The following TRPM2 variants were observed in gnomAD, a reference collection of about 807,000 sequenced individuals.
TRPM2 encodes estrogen-responsive element-associated gene 1 protein.
TRPM2 carries 161 observed loss-of-function variants against 174.0 expected under a neutral mutation model. The observed-to-expected ratio is 0.93, with a 90% CI of 0.81 to 1.05. The LOEUF (loss-of-function observed/expected upper bound fraction) is 1.05, where lower values mean the gene tolerates loss of function less well. Ranked by LOEUF, TRPM2 falls within the 50% of genes least tolerant of loss-of-function variation. The probability of loss-of-function intolerance (pLI) is 0.00; values close to 1 mark genes in which losing one functional copy is unlikely to be tolerated. For synonymous variants in TRPM2, 954 were observed against 861.3 expected, an observed-to-expected ratio of 1.11 and a Z score of -1.88; for missense variants, 2,057 against 2,038.0, an observed-to-expected ratio of 1.01 and a Z score of -0.18.
In TRPM2 at chr21:44,438,976, C is replaced by T. The variant is rs1047188964; in HGVS notation, c.4168-91C>T. 28 of 1,065,272 alleles carry T rather than the reference C, an allele frequency of 2.6e-5. No homozygotes were observed. Among genetic ancestry groups the T allele is most frequent in the Admixed American group, 1.0e-4 (5 of 48,668 alleles). 66.0% of individuals were successfully genotyped at this position (1,065,272 alleles called of 1,614,324 possible). ...CCCAGGGCTGGGCCGCTGCCCACGC[C>T]GGGCAGGAGGCCAGTGGAGACGGGT... On this transcript the variant is annotated intron_variant, in intron 29 of 31. Coordinates refer to ENST00000397928, the MANE Select transcript of TRPM2 (RefSeq NM_003307.4). The surrounding 1 kb of genome is among the most constrained non-coding windows in gnomAD (Gnocchi z 5.9).
At chr21:44,435,576 C>T (rs1055632388) in intron 28 of TRPM2, among the ~76,000 whole-genome samples, 9 of 149,832 alleles carry the variant, frequency 6.0e-5, no homozygotes, top group Non-Finnish European at 8.9e-5. Flanking sequence ...GACACAGCCC[C>T]ACACTGACCC....
rs1171536717 is a variant in TRPM2, at chr21:44,405,763, A to T, written c.2658-142A>T. Reference sequence around the variant, plus strand: ...TTCCTCAATCTCATGCCAGCTTTGAACACCTGGGATGCAGGGCCCACCAGA... The same window carrying T: ...TTCCTCAATCTCATGCCAGCTTTGATCACCTGGGATGCAGGGCCCACCAGA... On this transcript the variant is annotated intron_variant, in intron 17 of 31. Coordinates refer to ENST00000397928, the MANE Select transcript of TRPM2 (RefSeq NM_003307.4). 15 of 1,013,174 alleles carry T rather than the reference A, an allele frequency of 1.5e-5. No individual in the cohort carries two copies. The Admixed American group carries it at 3.5e-4, about 24-fold the overall frequency. 62.8% of individuals were successfully genotyped at this position (1,013,174 alleles called of 1,614,324 possible).
chr21:44,404,106 C>T lies in TRPM2; in HGVS notation c.2539-1036C>T, dbSNP rs965887487. 3.3e-5 allele frequency among the ~76,000 whole-genome samples: 5 copies of T among 152,028 alleles called. No homozygotes were observed. The East Asian group carries it at 9.6e-4, about 29-fold the overall frequency. The stretch of plus-strand genomic sequence containing the variant: ...GTACACACATACACACACATATATA[C>T]ATATGCACACATGAATGAACATACA... On this transcript the variant is annotated intron_variant, in intron 16 of 31. Coordinates refer to ENST00000397928, the MANE Select transcript of TRPM2 (RefSeq NM_003307.4).
intron 12 of TRPM2, 146 bp downstream of exon 12, chr21:44,395,697 TG>T (rs1362852577): frequency 0.83 from 153,106 of 183,630 alleles, 68,809 homozygotes; most frequent in East Asian, 0.88. Context: ...TGGAGGGCTG[TG>T]GAGGATGTGG....
In TRPM2 at chr21:44,437,167, G is replaced by A; in HGVS notation, c.4167G>A (p.Gly1389=). 6.4e-7 allele frequency: 1 copy of A among 1,551,020 alleles called. No individual in the cohort carries two copies. The highest frequency in any genetic ancestry group is 8.7e-7 in the Non-Finnish European group (1 of 1,146,772). ...TCTCCGAGCACTGGGCCCTGCCTGG[G>A]GTAAGGCTGCCGCGTGTGGGACCTC... ...LPLSEHWALP[G]GSREPGEMLP... Residue 1389 remains glycine (G), a splice_region_variant and synonymous_variant, in exon 29 of 32, where the codon GGG becomes GGA. Transcript: ENST00000397928.
intron 27 of TRPM2, among the ~76,000 whole-genome samples, chr21:44,434,435 A>T (rs923080173): frequency 6.6e-6 from 1 of 151,322 alleles, no homozygotes; most frequent in Non-Finnish European, 1.5e-5. Context: ...GCTGTCGGGG[A>T]CTATGGCGGG....
chr21:44,440,139 C>G (rs192004641), intron 30 of TRPM2, among the ~76,000 whole-genome samples: 529 of 151,194 alleles, frequency 3.5e-3, no homozygotes, highest in Non-Finnish European at 5.6e-3. Flanking sequence ...GAGTTCGAGA[C>G]CAGCCTGGCC....
chr21:44,435,803 CA>C (rs2051231682), intron 28 of TRPM2, among the ~76,000 whole-genome samples: 1 of 141,592 alleles, frequency 7.1e-6, no homozygotes, highest in Non-Finnish European at 1.5e-5. Context: ...CCCTCAGACT[CA>C]CTCTCCACAC....
chr21:44,350,394 T>C, upstream of TRPM2: 1 of 127,320 alleles, frequency 7.9e-6, no homozygotes, highest in African/African-American at 3.4e-5. Flanking sequence ...GGGTGCCGAG[T>C]GCGTGCAGGG....
intron 4 of TRPM2, 126 bp from the exon 5 acceptor site, chr21:44,369,051 G>A: frequency 9.5e-7 from 1 of 1,057,958 alleles, no homozygotes; most frequent in Non-Finnish European, 1.3e-6. Flanking sequence ...GAAAGCCCCT[G>A]AGTGAGGAGC....
At chr21:44,371,636 T>C (rs770520021) in intron 5 of TRPM2, among the ~76,000 whole-genome samples, 1 of 152,038 alleles carries the variant, frequency 6.6e-6, no homozygotes, top group Non-Finnish European at 1.5e-5. Context: ...CCCACTAGGG[T>C]CATCTAGGGT....
intron 2 of TRPM2, among the ~76,000 whole-genome samples, chr21:44,359,598 TG>T (rs2146125480): frequency 6.6e-6 from 1 of 151,638 alleles, no homozygotes; most frequent in East Asian, 1.9e-4. Flanking sequence ...TTTTTTTGTT[TG>T]TTTTTTTTTA....
At chr21:44,427,271 G>A (rs557198218) in intron 27 of TRPM2, among the ~76,000 whole-genome samples, 160 bp downstream of exon 27, 8 of 152,346 alleles carry the variant, frequency 5.3e-5, no homozygotes, top group African/African-American at 1.7e-4. Flanking sequence ...CTGCATCTCC[G>A]TAGCCCCCAG....
intron 7 of TRPM2, 42 bp from the exon 8 acceptor site, chr21:44,378,955 T>C (rs2146202993): frequency 6.3e-7 from 1 of 1,586,664 alleles, no homozygotes; most frequent in Non-Finnish European, 8.5e-7. Flanking sequence ...ATCGGAGCGG[T>C]GAGGACCCAG....
Position 44,391,567 on chromosome 21 carries a change from G to A in TRPM2, c.1736G>A (p.Arg579Gln), listed in dbSNP as rs1360875948. The change falls in exon 11 of 32, where the codon CGG becomes CAG. Residue 579 changes from arginine to glutamine, a missense_variant. By Grantham distance (43) the Arg-to-Gln change is conservative. Transcript: ENST00000397928. The surrounding 1 kb of genome is among the most constrained non-coding windows in gnomAD (Gnocchi z 5.0). ...GACTTCACGCAGCCGCTTTATCCCC[G>A]GCCCCGGCACAACGACCGGCTGCGG... ...LGDFTQPLYP[R>Q]PRHNDRLRLL... is the part of the protein sequence containing the mutation. 4.4e-6 allele frequency: 7 copies of A among 1,594,100 alleles called. No homozygotes were observed. Among genetic ancestry groups the A allele is most frequent in the South Asian group, 1.1e-5 (1 of 90,778 alleles).
intron 8 of TRPM2, among the ~76,000 whole-genome samples, chr21:44,380,274 G>A (rs1234338032): frequency 1.3e-5 from 2 of 152,170 alleles, no homozygotes; most frequent in African/African-American, 2.4e-5. Flanking sequence ...GTTTTTGTCC[G>A]GCAGGAGAAT....
intron 22 of TRPM2, among the ~76,000 whole-genome samples, chr21:44,420,567 C>G (rs1373495548): frequency 2.0e-5 from 3 of 152,218 alleles, no homozygotes; most frequent in African/African-American, 7.2e-5. Context: ...AGGAGGGGGG[C>G]CTGGGGCCAT....
chr21:44,435,289 A>G, intron 28 of TRPM2, 72 bp downstream of exon 28: 2 of 1,544,080 alleles, frequency 1.3e-6, no homozygotes, highest in South Asian at 2.3e-5. Context: ...GGCGGCTGCC[A>G]TTGCCCAGTG....
chr21:44,405,083 C>T, intron 16 of TRPM2, 59 bp from the exon 17 acceptor site: 2 of 1,602,618 alleles, frequency 1.2e-6, no homozygotes, highest in Non-Finnish European at 1.7e-6. Flanking sequence ...GTGACAGTGA[C>T]AGTGAGGATA....
Sources: allele counts gnomAD v4.1 joint callset (sites outside exome capture counted in the v4.1 genomes callset), GRCh38; gene constraint gnomAD v4.1.1; non-coding constraint Gnocchi (gnomAD v3.1); transcripts MANE v1.5; gene names NCBI Gene and HGNC (gene_info 2026-07-23, HGNC 2026-07-21).